TEKT5: variants seen among roughly 807,000 people sequenced by gnomAD.
TEKT5 encodes tektin 5.
A neutral mutation model predicts 48.7 loss-of-function variants in TEKT5; 52 were observed. That is an observed-to-expected ratio of 1.07 (90% CI 0.86 to 1.35). The LOEUF is 1.35. Ranked by LOEUF, TEKT5 falls within the 40% of genes most tolerant of loss-of-function variation. The probability of loss-of-function intolerance (pLI) is 0.00; values close to 1 mark genes in which losing one functional copy is unlikely to be tolerated. For synonymous variants in TEKT5, 318 were observed against 267.6 expected (o/e 1.19, Z -1.84); for missense variants, 831 against 641.6 (o/e 1.30, Z -3.19).
intron 5 of TEKT5, among the ~76,000 whole-genome samples, chr16:10,641,279 A>G (rs2541533): frequency 0.023 from 3,448 of 152,248 alleles, 134 homozygotes; most frequent in African/African-American, 0.079. Context: ...GTGGACAGGC[A>G]GGTTGTGGTG....
chr16:10,627,541 T>C lies in TEKT5; in HGVS notation c.*42A>G. On this transcript the variant is annotated 3_prime_UTR_variant, in exon 7 of 7. Coordinates refer to ENST00000283025, the MANE Select transcript of TEKT5 (RefSeq NM_144674.2). ...TGTTTTACTTTGTTTCTCAGCCTTTTCCAATTTTACGCCAGCGCGGAATGA... is the reference window on the plus strand; with the variant it reads ...TGTTTTACTTTGTTTCTCAGCCTTTCCCAATTTTACGCCAGCGCGGAATGA... The C allele has an allele frequency of 6.2e-7, 1 of 1,601,472 alleles. No homozygotes were observed. Among genetic ancestry groups the C allele is most frequent in the East Asian group, 2.2e-5 (1 of 44,644 alleles).
chr16:10,650,392 T>G (rs1898135710), intron 5 of TEKT5, among the ~76,000 whole-genome samples: 1 of 151,714 alleles, frequency 6.6e-6, no homozygotes, highest in South Asian at 2.1e-4. Flanking sequence ...TGAGCCACTG[T>G]GCCCGGTCCC....
chr16:10,633,509 G>C (rs1252776892), intron 6 of TEKT5, among the ~76,000 whole-genome samples: 1 of 152,098 alleles, frequency 6.6e-6, no homozygotes, highest in Non-Finnish European at 1.5e-5. Context: ...CCAGGACCTA[G>C]ACCCTATCCA....
At chr16:10,685,548 C>T (rs1471348828) in intron 3 of TEKT5, among the ~76,000 whole-genome samples, 5 of 152,170 alleles carry the variant, frequency 3.3e-5, no homozygotes, top group African/African-American at 1.2e-4. Context: ...CCACCCACCT[C>T]GGCCTCCCAA....
intron 4 of TEKT5, among the ~76,000 whole-genome samples, chr16:10,678,442 A>C (rs1043889941): frequency 2.0e-5 from 3 of 152,140 alleles, no homozygotes; most frequent in Non-Finnish European, 4.4e-5. Flanking sequence ...TGGTGCATAG[A>C]AAGTTTTAAA....
chr16:10,671,027 T>G (rs1225686969), intron 5 of TEKT5, among the ~76,000 whole-genome samples: 1 of 152,134 alleles, frequency 6.6e-6, no homozygotes, highest in Non-Finnish European at 1.5e-5. Flanking sequence ...TAGAGGAATT[T>G]GGAAAGCGAA....
intron 4 of TEKT5, 49 bp from the exon 5 acceptor site, chr16:10,676,230 T>A (rs1447640236): frequency 2.5e-6 from 4 of 1,583,024 alleles, no homozygotes; most frequent in South Asian, 2.2e-5. Context: ...GACCTCAGAA[T>A]CTGTGGTTTC....
At chr16:10,672,679 G>C (rs778273020) in intron 5 of TEKT5, among the ~76,000 whole-genome samples, 1 of 152,112 alleles carries the variant, frequency 6.6e-6, no homozygotes, top group Non-Finnish European at 1.5e-5. Context: ...GCAGTAGGGG[G>C]ACAAGGTTAA....
chr16:10,634,344 C>T (rs553863652), intron 6 of TEKT5, among the ~76,000 whole-genome samples: 1 of 152,240 alleles, frequency 6.6e-6, no homozygotes, highest in Non-Finnish European at 1.5e-5. Flanking sequence ...TGAGGATGGT[C>T]CTTTCAATCT....
intron 6 of TEKT5, among the ~76,000 whole-genome samples, chr16:10,631,080 A>ATG (rs1386149586): frequency 6.7e-6 from 1 of 149,996 alleles, no homozygotes; most frequent in Non-Finnish European, 1.5e-5. Context: ...ATATATATAT[A>ATG]TATACACACA....
At chr16:10,692,563 T>C (rs996087251) in intron 1 of TEKT5, 1 of 152,230 alleles carries the variant, frequency 6.6e-6, no homozygotes. Flanking sequence ...CCTTCCATGA[T>C]TTTCTCCTGG....
At chr16:10,663,424 T>C (rs1242516917) in intron 5 of TEKT5, among the ~76,000 whole-genome samples, 3 of 152,202 alleles carry the variant, frequency 2.0e-5, no homozygotes, top group Non-Finnish European at 4.4e-5. Context: ...CCAAATTGCA[T>C]GAAGCCAAGG....
At chr16:10,649,110 T>C (rs1467959235) in intron 5 of TEKT5, among the ~76,000 whole-genome samples, 2 of 151,172 alleles carry the variant, frequency 1.3e-5, no homozygotes, top group Non-Finnish European at 2.9e-5. Context: ...CCACCATACC[T>C]GGCTATTTAT....
chr16:10,659,839 G>GT (rs1373899425), intron 5 of TEKT5, among the ~76,000 whole-genome samples: 1 of 152,180 alleles, frequency 6.6e-6, no homozygotes, highest in East Asian at 1.9e-4. Context: ...TGGGCACAGG[G>GT]TTTTGTTTTG....
chr16:10,671,462 G>A (rs1898547676), intron 5 of TEKT5, among the ~76,000 whole-genome samples: 1 of 152,318 alleles, frequency 6.6e-6, no homozygotes, highest in African/African-American at 2.4e-5. Flanking sequence ...ACTTGAAAAA[G>A]AAGGAAATTC....
intron 6 of TEKT5, among the ~76,000 whole-genome samples, chr16:10,635,012 A>C (rs956898770): frequency 5.3e-5 from 8 of 152,178 alleles, no homozygotes; most frequent in African/African-American, 1.9e-4. Context: ...CTTTTGGGGT[A>C]CTTTATTACA....
chr16:10,682,444 C>T (rs983810104), intron 3 of TEKT5, among the ~76,000 whole-genome samples: 2 of 152,216 alleles, frequency 1.3e-5, no homozygotes, highest in Admixed American at 1.3e-4. Context: ...CTTCCCACCT[C>T]AGCCTCCTGA....
At chr16:10,694,217 G>A (rs1899031303) in intron 1 of TEKT5, 93 bp downstream of exon 1, 6 of 1,342,714 alleles carry the variant, frequency 4.5e-6, no homozygotes, top group Admixed American at 2.4e-5. Context: ...CCTGCAAGGT[G>A]CCTGCCACCT....
chr16:10,650,528 C>G (rs1231833204), intron 5 of TEKT5, among the ~76,000 whole-genome samples: 2 of 152,142 alleles, frequency 1.3e-5, no homozygotes, highest in Admixed American at 1.3e-4. Context: ...AAACATGCCC[C>G]TTAACATCTT....
Sources: gnomAD v4.1 joint callset for allele counts (sites outside exome capture counted in the v4.1 genomes callset) on GRCh38, gnomAD v4.1.1 for gene constraint, MANE v1.5 for transcripts, NCBI Gene and HGNC (gene_info 2026-07-23, HGNC 2026-07-21) for gene names.